ZMIZ1: variants seen among roughly 807,000 people sequenced by gnomAD.
ZMIZ1 encodes the protein zinc finger MIZ-type containing 1.
Under a neutral mutation model 113.9 loss-of-function variants are expected in ZMIZ1, and 17 were observed. The observed-to-expected ratio is 0.15, with a 90% CI of 0.10 to 0.22. The LOEUF (loss-of-function observed/expected upper bound fraction) is 0.22. ZMIZ1 is among the 10% of genes least tolerant of loss of function. The pLI, the probability that ZMIZ1 is intolerant of heterozygous loss-of-function variation, is 1.00. For synonymous variants in ZMIZ1, 607 were observed against 603.1 expected (o/e 1.01, Z -0.09); for missense variants, 1,059 against 1,477.8 (o/e 0.72, Z 4.65).
chr10:79,095,498 A>C, intron 1 of ZMIZ1, among the ~76,000 whole-genome samples: 1 of 152,114 alleles, frequency 6.6e-6, no homozygotes, highest in Non-Finnish European at 1.5e-5. Context: ...ACCAGTTCTC[A>C]CCTGGCCATG....
At chr10:79,185,632 C>T (rs1847321988) in intron 4 of ZMIZ1, among the ~76,000 whole-genome samples, 2 of 152,134 alleles carry the variant, frequency 1.3e-5, no homozygotes, top group Non-Finnish European at 1.5e-5. Context: ...GTATCTTCTC[C>T]TCCCTCAACA....
At chr10:79,204,165 G>A (rs942799709) in intron 5 of ZMIZ1, among the ~76,000 whole-genome samples, 3 of 152,164 alleles carry the variant, frequency 2.0e-5, no homozygotes, top group Non-Finnish European at 2.9e-5. Context: ...CTGAGATGAC[G>A]AGCTGTGCAG....
chr10:79,264,521 G>T (rs1002560142), intron 7 of ZMIZ1, among the ~76,000 whole-genome samples: 1 of 152,182 alleles, frequency 6.6e-6, no homozygotes, highest in Non-Finnish European at 1.5e-5. Context: ...AGGTGGTCTA[G>T]AGCTCCTCCG....
intron 7 of ZMIZ1, among the ~76,000 whole-genome samples, chr10:79,219,225 GC>G (rs1848863373): frequency 6.6e-6 from 1 of 152,182 alleles, no homozygotes. Flanking sequence ...TGTCCCAGGA[GC>G]CCAGTGCCTC....
At chr10:79,311,729 G>A (rs911204682) in intron 24 of ZMIZ1, among the ~76,000 whole-genome samples, 4 of 152,146 alleles carry the variant, frequency 2.6e-5, no homozygotes, top group African/African-American at 9.7e-5. Flanking sequence ...AGGGGCAGCA[G>A]GCCATCATGG....
At chr10:79,241,453 T>C (rs1849827918) in intron 7 of ZMIZ1, among the ~76,000 whole-genome samples, 1 of 152,158 alleles carries the variant, frequency 6.6e-6, no homozygotes, top group Non-Finnish European at 1.5e-5. Context: ...AAGCAGAGCC[T>C]GGAATTTGTG....
intron 2 of ZMIZ1, among the ~76,000 whole-genome samples, chr10:79,133,909 ATTCATTTTGCAT>A (rs1844880906): frequency 6.6e-6 from 1 of 152,234 alleles, no homozygotes; most frequent in African/African-American, 2.4e-5. Context: ...CCTAATTACC[ATTCATTTTGCAT>A]TTATTTCTGC....
intron 7 of ZMIZ1, among the ~76,000 whole-genome samples, chr10:79,238,529 A>G (rs1483958168): frequency 6.6e-6 from 1 of 152,268 alleles, no homozygotes; most frequent in African/African-American, 2.4e-5. Flanking sequence ...CTCTAAAAAG[A>G]AACACAATGA....
intron 3 of ZMIZ1, among the ~76,000 whole-genome samples, chr10:79,160,352 G>T (rs942562831): frequency 6.6e-6 from 1 of 152,238 alleles, no homozygotes; most frequent in Non-Finnish European, 1.5e-5. Flanking sequence ...CTGGTCCCAG[G>T]ATCTTGGGGT....
chr10:79,250,890 TG>T (rs1443293424), intron 7 of ZMIZ1, among the ~76,000 whole-genome samples: 2 of 152,158 alleles, frequency 1.3e-5, no homozygotes, highest in Non-Finnish European at 1.5e-5. Flanking sequence ...CCCTAGGTCC[TG>T]GCACCCACGG....
At chr10:79,208,784 G>GTCAT (rs60235004) in intron 6 of ZMIZ1, among the ~76,000 whole-genome samples, 31,016 of 151,988 alleles carry the variant, frequency 0.2, 3,252 homozygotes, top group African/African-American at 0.25. Context: ...TTTTTATCCA[G>GTCAT]TCATTCATTC....
At chr10:79,311,614 C>T (rs954401594) in intron 24 of ZMIZ1, among the ~76,000 whole-genome samples, 6 of 151,944 alleles carry the variant, frequency 3.9e-5, no homozygotes, top group Non-Finnish European at 8.8e-5. Flanking sequence ...TTCTTGTCCG[C>T]GTGTTGTCCA....
intron 4 of ZMIZ1, among the ~76,000 whole-genome samples, chr10:79,175,630 G>GTGTGT (rs1429011082): frequency 4.1e-5 from 4 of 96,432 alleles, no homozygotes; most frequent in Admixed American, 1.2e-4. Flanking sequence ...GTGTGTGTGT[G>GTGTGT]GAGGTTTTTA....
At chr10:79,157,366 G>GT (rs1436862564) in intron 3 of ZMIZ1, among the ~76,000 whole-genome samples, 1 of 82,752 alleles carries the variant, frequency 1.2e-5, no homozygotes, top group Non-Finnish European at 2.4e-5. Context: ...GCAGGCATAA[G>GT]GGGTGTGTGT....
At chr10:79,303,884 C>T in intron 18 of ZMIZ1, 131 bp from the exon 19 acceptor site, 9 of 1,313,130 alleles carry the variant, frequency 6.9e-6, no homozygotes, top group South Asian at 1.4e-5. Flanking sequence ...GCCCTCTCAG[C>T]GTTTGGTGTG....
chr10:79,184,505 A>C (rs1847266549), intron 4 of ZMIZ1, among the ~76,000 whole-genome samples: 1 of 152,196 alleles, frequency 6.6e-6, no homozygotes, highest in African/African-American at 2.4e-5. Flanking sequence ...TGGAGCACTT[A>C]GCACAGCTCC....
chr10:79,140,414 G>A (rs1386448067), intron 3 of ZMIZ1, among the ~76,000 whole-genome samples: 1 of 152,196 alleles, frequency 6.6e-6, no homozygotes, highest in Non-Finnish European at 1.5e-5. Context: ...ACAGCAGCTT[G>A]GCTTCATCCT....
chr10:79,296,644 G>A lies in ZMIZ1; in HGVS notation c.1404G>A (p.Gln468=). The A allele has an allele frequency of 6.4e-7, 1 of 1,559,392 alleles. No homozygotes were observed. The highest frequency in any genetic ancestry group is 8.7e-7 in the Non-Finnish European group (1 of 1,151,234). Residue 468 remains glutamine (Q), a synonymous_variant, in exon 13 of 25, where the codon CAG becomes CAA. Transcript: ENST00000334512. This position sits in a 1 kb window ranked among gnomAD's most constrained non-coding sequence, Gnocchi z 4.1. Reference sequence around the variant, plus strand: ...CGCCCCCCACGGTCAACATGGGGCAGTATTACAAGGTGAGTCCCAGCCTCG... The same window carrying A: ...CGCCCCCCACGGTCAACATGGGGCAATATTACAAGGTGAGTCCCAGCCTCG... The part of the protein sequence containing the change: ...QYPPPTVNMG[Q]YYKPEQFNGQ...
chr10:79,118,430 C>G lies in ZMIZ1; in HGVS notation c.-336-485C>G. Among the ~76,000 whole-genome samples the G allele has an allele frequency of 6.6e-6, 1 of 152,128 alleles. No homozygotes were observed. ...GTGTCCTGTGGGAAGCGGGAGGAGG[C>G]AAGGTTGGCCAGGCGCACAGCCCAC... is the stretch of plus-strand genomic sequence containing the variant. On this transcript the variant is annotated intron_variant, in intron 1 of 24. Coordinates refer to ENST00000334512, the MANE Select transcript of ZMIZ1 (RefSeq NM_020338.4). The surrounding 1 kb of genome is among the most constrained non-coding windows in gnomAD (Gnocchi z 4.1).
Sources: gnomAD v4.1 joint callset for allele counts (sites outside exome capture counted in the v4.1 genomes callset) on GRCh38, gnomAD v4.1.1 for gene constraint, Gnocchi (gnomAD v3.1) non-coding constraint, MANE v1.5 for transcripts, NCBI Gene and HGNC (gene_info 2026-07-23, HGNC 2026-07-21) for gene names.